The following COL28A1 variants were observed in gnomAD, a reference collection of about 807,000 sequenced individuals.
The protein encoded by COL28A1 is collagen alpha-1(XXVIII) chain.
COL28A1 carries 161 observed loss-of-function variants against 150.2 expected under a neutral mutation model. That is an observed-to-expected ratio of 1.07 (90% confidence interval 0.94 to 1.22). COL28A1 has a LOEUF of 1.22. Among genes scored for constraint, COL28A1 ranks in the 50% most tolerant of loss-of-function variants. COL28A1 has a pLI of 0.00. For synonymous variants in COL28A1, 552 were observed against 469.7 expected (o/e 1.18, Z -2.26); for missense variants, 1,617 against 1,388.3 (o/e 1.16, Z -2.62).
chr7:7,390,186 G>T (rs1043309020), intron 27 of COL28A1, among the ~76,000 whole-genome samples: 2 of 152,150 alleles, frequency 1.3e-5, no homozygotes, highest in Non-Finnish European at 2.9e-5. Context: ...AGTTTATTGA[G>T]AGTTTTTAGC....
At chr7:7,443,693 T>G (rs754349054) in intron 19 of COL28A1, 40 bp from the exon 20 acceptor site, 1 of 1,612,728 alleles carries the variant, frequency 6.2e-7, no homozygotes, top group Non-Finnish European at 8.5e-7. Flanking sequence ...GACCCTCCAG[T>G]AGACAGACTG....
intron 23 of COL28A1, among the ~76,000 whole-genome samples, chr7:7,433,126 G>C (rs555175518): frequency 3.3e-4 from 51 of 152,270 alleles, no homozygotes; most frequent in African/African-American, 1.2e-3. Context: ...CTAGGGAAAA[G>C]TTGTAAATAT....
chr7:7,436,512 A>G, intron 22 of COL28A1, 49 bp from the exon 23 acceptor site: 1 of 919,724 alleles, frequency 1.1e-6, no homozygotes, highest in East Asian at 2.4e-5. Context: ...GCGAGAAATC[A>G]CAAGCACACA....
intron 16 of COL28A1, among the ~76,000 whole-genome samples, chr7:7,454,240 C>G (rs1786953981): frequency 6.6e-6 from 1 of 152,064 alleles, no homozygotes; most frequent in Non-Finnish European, 1.5e-5. Flanking sequence ...GAAGTTCCCT[C>G]ATAAACACAT....
At chr7:7,464,877 A>G (rs531789317) in intron 15 of COL28A1, among the ~76,000 whole-genome samples, 5 of 152,204 alleles carry the variant, frequency 3.3e-5, no homozygotes, top group African/African-American at 1.2e-4. Context: ...GAAAAGATAA[A>G]TTGATAGACC....
At chr7:7,494,398 T>A (rs1780091769) in intron 11 of COL28A1, among the ~76,000 whole-genome samples, 1 of 152,142 alleles carries the variant, frequency 6.6e-6, no homozygotes, top group Admixed American at 6.5e-5. Context: ...TGGCTTTGAA[T>A]CATTTGGTCT....
intron 25 of COL28A1, chr7:7,431,539 C>G (rs1251635112): frequency 4.2e-6 from 2 of 470,906 alleles, no homozygotes; most frequent in African/African-American, 4.0e-5. Flanking sequence ...CAGGAATGAG[C>G]TGAAGTAGGG....
At chr7:7,515,339 C>T (rs1390365360) in intron 8 of COL28A1, among the ~76,000 whole-genome samples, 1 of 152,136 alleles carries the variant, frequency 6.6e-6, no homozygotes, top group Admixed American at 6.5e-5. Context: ...CAAATTTACT[C>T]CCCTGCAAGC....
chr7:7,479,697 T>G (rs551565162), intron 13 of COL28A1, among the ~76,000 whole-genome samples: 1 of 152,204 alleles, frequency 6.6e-6, no homozygotes, highest in African/African-American at 2.4e-5. Context: ...ATTAAGAAGT[T>G]CATGTAACTA....
intron 16 of COL28A1, among the ~76,000 whole-genome samples, chr7:7,455,398 C>T (rs1787065250): frequency 2.0e-5 from 3 of 152,094 alleles, no homozygotes; most frequent in South Asian, 4.1e-4. Flanking sequence ...TATCACAATA[C>T]CCAGATTTTC....
At chr7:7,422,294 C>T (rs1436826096) in intron 25 of COL28A1, among the ~76,000 whole-genome samples, 2 of 152,138 alleles carry the variant, frequency 1.3e-5, no homozygotes, top group East Asian at 3.9e-4. Context: ...TCATTCATTT[C>T]CGTTCACCTG....
At chr7:7,439,366 A>T (rs1252501087) in intron 21 of COL28A1, among the ~76,000 whole-genome samples, 1 of 152,192 alleles carries the variant, frequency 6.6e-6, no homozygotes, top group East Asian at 1.9e-4. Context: ...AACACAAAAA[A>T]ACCCCATCCA....
rs535333839 is a variant in COL28A1, at chr7:7,360,180, CCA to C, written c.3205+208_3205+209del. ...AAATTCTTCATAGACCAAATTTACTCCACAGTTTTCAAATTCTACATATAGTC... is the reference window on the plus strand; with the variant it reads ...AAATTCTTCATAGACCAAATTTACTCCAGTTTTCAAATTCTACATATAGTC... On this transcript the variant is annotated intron_variant, in intron 34 of 34. Transcript: ENST00000399429. Among the ~76,000 whole-genome samples, 311 of 152,276 alleles carry C rather than the reference CCA, an allele frequency of 2.0e-3. 1 individual carries two copies. The highest frequency in any genetic ancestry group is 7.1e-3 in the African/African-American group (293 of 41,536).
intron 27 of COL28A1, among the ~76,000 whole-genome samples, chr7:7,386,159 C>G (rs755020371): frequency 6.6e-6 from 1 of 152,182 alleles, no homozygotes; most frequent in Non-Finnish European, 1.5e-5. Context: ...ACTGCTTGTT[C>G]TCTGGGAGAG....
intron 27 of COL28A1, among the ~76,000 whole-genome samples, chr7:7,402,320 A>T (rs532730899): frequency 6.6e-6 from 1 of 152,218 alleles, no homozygotes; most frequent in Non-Finnish European, 1.5e-5. Flanking sequence ...GATAAATTAT[A>T]AATACCTATA....
chr7:7,443,527 C>A, intron 20 of COL28A1, 58 bp downstream of exon 20: 1 of 1,594,950 alleles, frequency 6.3e-7, no homozygotes, highest in Non-Finnish European at 8.5e-7. Flanking sequence ...TCTAAGTTGG[C>A]TCCTCAGTAT....
At chr7:7,452,144 C>T (rs959847520) in intron 18 of COL28A1, among the ~76,000 whole-genome samples, 175 bp downstream of exon 18, 7 of 152,172 alleles carry the variant, frequency 4.6e-5, no homozygotes, top group African/African-American at 1.7e-4. Context: ...ATAAAGCAAG[C>T]CATACGTGTA....
intron 27 of COL28A1, among the ~76,000 whole-genome samples, chr7:7,387,840 T>C (rs902719437): frequency 6.6e-6 from 1 of 152,156 alleles, no homozygotes; most frequent in Non-Finnish European, 1.5e-5. Context: ...ATACAGGTAC[T>C]TTGCCTACTC....
In COL28A1 at chr7:7,532,321, C is replaced by G. The variant is rs566510516; in HGVS notation, c.125-417G>C. Reference sequence around the variant, plus strand: ...ATTTTTTTTTAAACTTTCTTGAAATCAAGGGAGAAAATGACTATACCCCCT... The same window carrying G: ...ATTTTTTTTTAAACTTTCTTGAAATGAAGGGAGAAAATGACTATACCCCCT... On this transcript the variant is annotated intron_variant, in intron 2 of 34. Transcript: ENST00000399429. Among the ~76,000 whole-genome samples, 34 of 151,918 alleles carry G rather than the reference C, an allele frequency of 2.2e-4. No homozygotes were observed. In the South Asian group the frequency reaches 6.3e-3, roughly 28 times the overall value.
Sources: gnomAD v4.1 joint callset for allele counts (sites outside exome capture counted in the v4.1 genomes callset) on GRCh38, gnomAD v4.1.1 for gene constraint, MANE v1.5 for transcripts, NCBI Gene and HGNC (gene_info 2026-07-23, HGNC 2026-07-21) for gene names.